VAV3: variants seen among roughly 807,000 people sequenced by gnomAD.
The protein encoded by VAV3 is vav guanine nucleotide exchange factor 3, also known as guanine nucleotide exchange factor VAV3.
In VAV3, 94 loss-of-function variants were observed where a neutral mutation model predicts 131.2. That is an observed-to-expected ratio of 0.72 (90% confidence interval 0.61 to 0.85). The LOEUF is 0.85. Among genes scored for constraint, VAV3 ranks in the 40% least tolerant of loss-of-function variants. The pLI is 0.00. For synonymous variants in VAV3, 349 were observed against 342.0 expected, an observed-to-expected ratio of 1.02 and a Z score of -0.22; for missense variants, 939 against 1,002.7, an observed-to-expected ratio of 0.94 and a Z score of 0.86.
chr1:107,885,597 C>T (rs1266321991), intron 1 of VAV3, among the ~76,000 whole-genome samples: 1 of 152,072 alleles, frequency 6.6e-6, no homozygotes, highest in Non-Finnish European at 1.5e-5. Flanking sequence ...CATTTACCTG[C>T]CTACCCACCT....
intron 26 of VAV3, among the ~76,000 whole-genome samples, chr1:107,573,792 C>T (rs973402228): frequency 3.3e-5 from 5 of 152,172 alleles, no homozygotes; most frequent in South Asian, 2.1e-4. Flanking sequence ...AAATGCTCCT[C>T]GACTCTTTTC....
rs6683973 is a variant in VAV3 at position 107,607,203 on chromosome 1, C to T, written c.2015+2728G>A. On this transcript the variant is annotated intron_variant, in intron 22 of 26. Transcript: ENST00000370056. ...TCCTGACCTCATGATCCGCCCACTT[C>T]GGCCTCCCAAAGTGCAGGGATTACA... 8.0e-3 allele frequency among the ~76,000 whole-genome samples: 1,218 copies of T among 152,140 alleles called. 16 individuals are homozygous for T. The highest frequency in any genetic ancestry group is 0.028 in the African/African-American group (1,152 of 41,510).
At chr1:107,669,530 T>C in intron 19 of VAV3, 2 of 1,268,664 alleles carry the variant, frequency 1.6e-6, no homozygotes, top group South Asian at 1.3e-5. Flanking sequence ...AATTTCACCA[T>C]GGATCCATTC....
At chr1:107,727,111 C>G (rs1316519548) in intron 15 of VAV3, among the ~76,000 whole-genome samples, 1 of 152,206 alleles carries the variant, frequency 6.6e-6, no homozygotes, top group African/African-American at 2.4e-5. Flanking sequence ...CTTCCTCTAC[C>G]TTCTTTTGCC....
chr1:107,575,753 G>A (rs903886288), intron 25 of VAV3, among the ~76,000 whole-genome samples: 18 of 152,228 alleles, frequency 1.2e-4, no homozygotes, highest in African/African-American at 4.3e-4. Context: ...TGACTTCTAA[G>A]TTTTTTCTAG....
intron 2 of VAV3, among the ~76,000 whole-genome samples, chr1:107,812,319 A>G (rs548525215): frequency 6.6e-6 from 1 of 152,310 alleles, no homozygotes; most frequent in South Asian, 2.1e-4. Flanking sequence ...GGAAAATCCT[A>G]TAATAGACAC....
rs552196942 is a variant in VAV3, at chr1:107,703,000, C to G, written c.1705+1550G>C. ...CACATAGCTAACAAATGGCGCAAAGCTAGCATTTCAACCATCTCTGCTTGA... is the reference window on the plus strand; with the variant it reads ...CACATAGCTAACAAATGGCGCAAAGGTAGCATTTCAACCATCTCTGCTTGA... On this transcript the variant is annotated intron_variant, in intron 17 of 26. Coordinates refer to ENST00000370056, the MANE Select transcript of VAV3 (RefSeq NM_006113.5). Among the ~76,000 whole-genome samples, 36 of 152,236 alleles carry G rather than the reference C, an allele frequency of 2.4e-4. 1 individual carries two copies. Among genetic ancestry groups the G allele is most frequent in the African/African-American group, 7.7e-4 (32 of 41,544 alleles).
At chr1:107,924,406 A>C (rs1021979056) in intron 1 of VAV3, among the ~76,000 whole-genome samples, 14 of 151,418 alleles carry the variant, frequency 9.2e-5, no homozygotes, top group Admixed American at 2.0e-4. Flanking sequence ...AAAAAAAAAA[A>C]CCCTGTAAAC....
intron 2 of VAV3, among the ~76,000 whole-genome samples, chr1:107,859,935 T>G (rs1669658897): frequency 6.6e-6 from 1 of 152,176 alleles, no homozygotes; most frequent in African/African-American, 2.4e-5. Flanking sequence ...TATTATTCAC[T>G]TTGTTATATG....
chr1:107,681,172 G>A (rs1465007848), intron 19 of VAV3, among the ~76,000 whole-genome samples: 1 of 152,056 alleles, frequency 6.6e-6, no homozygotes, highest in Non-Finnish European at 1.5e-5. Context: ...GCTTTTATAA[G>A]CCACTTTAAG....
chr1:107,676,848 T>C (rs1658246138), intron 19 of VAV3, among the ~76,000 whole-genome samples: 2 of 152,174 alleles, frequency 1.3e-5, no homozygotes, highest in South Asian at 2.1e-4. Flanking sequence ...AGATCATTCA[T>C]AACCTATACG....
intron 15 of VAV3, among the ~76,000 whole-genome samples, chr1:107,728,651 A>AT (rs1057362289): frequency 5.3e-5 from 8 of 149,874 alleles, no homozygotes; most frequent in South Asian, 2.1e-4. Context: ...ATGTATATGT[A>AT]TTGTGTAAAA....
intron 19 of VAV3, among the ~76,000 whole-genome samples, chr1:107,676,739 A>C (rs768708753): frequency 6.6e-6 from 1 of 152,128 alleles, no homozygotes; most frequent in Non-Finnish European, 1.5e-5. Flanking sequence ...AGTTCTAGTA[A>C]ATTTACCTTT....
intron 2 of VAV3, among the ~76,000 whole-genome samples, chr1:107,838,041 A>G (rs1668549817): frequency 6.6e-6 from 1 of 152,202 alleles, no homozygotes; most frequent in Non-Finnish European, 1.5e-5. Context: ...GACAAATAGG[A>G]CCTAATTAAC....
chr1:107,782,407 T>A (rs892958554), intron 2 of VAV3, among the ~76,000 whole-genome samples: 1 of 152,190 alleles, frequency 6.6e-6, no homozygotes, highest in African/African-American at 2.4e-5. Context: ...GGGAGCCAGA[T>A]GATAGTCTAT....
intron 1 of VAV3, among the ~76,000 whole-genome samples, chr1:107,900,055 CTCT>C (rs776797732): frequency 1.5e-4 from 23 of 152,280 alleles, no homozygotes; most frequent in Middle Eastern, 3.4e-3. Context: ...CTAAAATTAT[CTCT>C]TCTTCTTCAC....
intron 1 of VAV3, among the ~76,000 whole-genome samples, chr1:107,922,080 T>C (rs894966768): frequency 6.6e-6 from 1 of 152,212 alleles, no homozygotes; most frequent in African/African-American, 2.4e-5. Context: ...CTCCTTGATC[T>C]GTCAAAACTG....
At chr1:107,669,327 C>G (rs1435522724) in intron 19 of VAV3, 10 of 1,289,564 alleles carry the variant, frequency 7.8e-6, no homozygotes, top group South Asian at 1.2e-5. Flanking sequence ...TGGACACCAG[C>G]CTTGTCTGTC....
intron 2 of VAV3, among the ~76,000 whole-genome samples, chr1:107,849,885 A>G (rs11185186): frequency 0.082 from 12,404 of 152,192 alleles, 873 homozygotes; most frequent in African/African-American, 0.19. Flanking sequence ...AAAAACAAAC[A>G]AACAACCCCA....
Sources: gnomAD v4.1 joint callset for allele counts (sites outside exome capture counted in the v4.1 genomes callset) on GRCh38, gnomAD v4.1.1 for gene constraint, MANE v1.5 for transcripts, NCBI Gene and HGNC (gene_info 2026-07-23, HGNC 2026-07-21) for gene names.